The following ZEB2 variants were observed in gnomAD, a reference collection of about 807,000 sequenced individuals.
ZEB2 encodes zinc finger E-box binding homeobox 2.
Under a neutral mutation model 99.9 loss-of-function variants are expected in ZEB2, and 6 were observed. The ratio of observed to expected loss-of-function variants is 0.06; its 90% confidence interval spans 0.03 to 0.12. ZEB2 has a LOEUF of 0.12. ZEB2 is among the 10% of genes least tolerant of loss of function. The probability of loss-of-function intolerance (pLI) is 1.00; values close to 1 mark genes in which losing one functional copy is unlikely to be tolerated. For missense variants in ZEB2, 969 were observed against 1,502.8 expected (o/e 0.64, Z 5.87); for synonymous variants, 517 against 542.5 (o/e 0.95, Z 0.65).
rs114168809 is a variant in ZEB2, at chr2:144,452,259, C to T, written c.74-22233G>A. 2.1e-3 allele frequency among the ~76,000 whole-genome samples: 326 copies of T among 152,118 alleles called. 3 individuals are homozygous for T. The highest frequency in any genetic ancestry group is 7.5e-3 in the African/African-American group (313 of 41,496). Reference sequence around the variant, plus strand: ...TGCTTTTGAATGTGCCACAAGTTTCCGATAACTTTTCTGTACCACATGCCA... The same window carrying T: ...TGCTTTTGAATGTGCCACAAGTTTCTGATAACTTTTCTGTACCACATGCCA... On this transcript the variant is annotated intron_variant, in intron 2 of 9. Transcript: ENST00000627532.
rs1487453001 is a variant in ZEB2, at chr2:144,399,318, G to A, written c.1869C>T (p.Asn623=). ...TATTATCAACAAAAACTCCGGCTTTGTTGGGGACTATGTTTTCATGAGGCT... is the reference window on the plus strand; with the variant it reads ...TATTATCAACAAAAACTCCGGCTTTATTGGGGACTATGTTTTCATGAGGCT... ...VLQPHENIVP[N]KAGVFVDNKA... Residue 623 remains asparagine (N), a synonymous_variant, in exon 8 of 10, where the codon AAC becomes AAT. Transcript: ENST00000627532. The surrounding 1 kb of genome is among the most constrained non-coding windows in gnomAD (Gnocchi z 5.6). 4 of 1,614,018 alleles carry A rather than the reference G, an allele frequency of 2.5e-6. No individual in the cohort carries two copies. Among genetic ancestry groups the A allele is most frequent in the Non-Finnish European group, 3.4e-6 (4 of 1,180,012 alleles).
intron 2 of ZEB2, among the ~76,000 whole-genome samples, chr2:144,450,957 C>T (rs1237767039): frequency 2.6e-5 from 4 of 152,186 alleles, no homozygotes; most frequent in Non-Finnish European, 5.9e-5. Context: ...GGATTACAGG[C>T]ATGAGCCACT....
At chr2:144,438,390 A>G (rs965785733) in intron 2 of ZEB2, among the ~76,000 whole-genome samples, 4 of 152,098 alleles carry the variant, frequency 2.6e-5, no homozygotes, top group African/African-American at 9.7e-5. Context: ...TCATCTTAAT[A>G]GATCTTAGTG....
intron 4 of ZEB2, among the ~76,000 whole-genome samples, chr2:144,416,346 T>G (rs1330830911): frequency 6.6e-6 from 1 of 152,162 alleles, no homozygotes; most frequent in Non-Finnish European, 1.5e-5. Context: ...AAACGTATCT[T>G]AAAAAAATCT....
chr2:144,448,029 C>G (rs920389119), intron 2 of ZEB2, among the ~76,000 whole-genome samples: 2 of 152,108 alleles, frequency 1.3e-5, no homozygotes, highest in Non-Finnish European at 2.9e-5. Context: ...ACATGTAAAG[C>G]ACCTAGAGAC....
chr2:144,449,941 T>C (rs1395828249), intron 2 of ZEB2, among the ~76,000 whole-genome samples: 2 of 152,222 alleles, frequency 1.3e-5, no homozygotes, highest in African/African-American at 4.8e-5. Flanking sequence ...GATGAGTGAC[T>C]TTTGGGTGTT....
chr2:144,390,101 G>T, intron 9 of ZEB2, 73 bp from the exon 10 acceptor site: 2 of 1,487,396 alleles, frequency 1.3e-6, no homozygotes, highest in Non-Finnish European at 1.8e-6. Flanking sequence ...TTCTGTACGC[G>T]AGTCCAGACT....
intron 2 of ZEB2, chr2:144,516,362 CCTCTCTCTCTGT>C (rs1239511855): frequency 6.6e-6 from 1 of 151,484 alleles, no homozygotes; most frequent in Non-Finnish European, 1.5e-5. Flanking sequence ...TCACTCTCTT[CCTCTCTCTCTGT>C]TTCTCTCTGT....
chr2:144,486,218 A>C (rs1292736595), intron 2 of ZEB2, among the ~76,000 whole-genome samples: 1 of 152,222 alleles, frequency 6.6e-6, no homozygotes, highest in Non-Finnish European at 1.5e-5. Flanking sequence ...CTTTTCTTGA[A>C]AAGATTCCTT....
intron 4 of ZEB2, among the ~76,000 whole-genome samples, chr2:144,421,402 T>C (rs1703616914): frequency 6.6e-6 from 1 of 152,150 alleles, no homozygotes; most frequent in South Asian, 2.1e-4. Context: ...ACCACATGTA[T>C]TTAGCATCCA....
At chr2:144,488,954 A>G (rs984197013) in intron 2 of ZEB2, among the ~76,000 whole-genome samples, 2 of 152,188 alleles carry the variant, frequency 1.3e-5, no homozygotes, top group Admixed American at 1.3e-4. Flanking sequence ...ATGATTTGTA[A>G]TAAGAGGCTC....
At chr2:144,396,877 T>G (rs1703236745) in intron 8 of ZEB2, among the ~76,000 whole-genome samples, 1 of 152,166 alleles carries the variant, frequency 6.6e-6, no homozygotes, top group South Asian at 2.1e-4. Flanking sequence ...TTTTCTAAAA[T>G]CCTTCATTTC....
intron 2 of ZEB2, among the ~76,000 whole-genome samples, chr2:144,509,083 T>C (rs1201180200): frequency 6.6e-6 from 1 of 152,182 alleles, no homozygotes; most frequent in Non-Finnish European, 1.5e-5. Context: ...TTTTCATGCC[T>C]ATAAGACTTG....
intron 2 of ZEB2, chr2:144,513,060 C>T: frequency 3.1e-6 from 4 of 1,287,234 alleles, no homozygotes; most frequent in African/African-American, 1.5e-5. Flanking sequence ...GTATGACTCT[C>T]GTTGCCCCAT....
intron 9 of ZEB2, among the ~76,000 whole-genome samples, chr2:144,393,618 A>G (rs1190558320): frequency 6.6e-6 from 1 of 152,220 alleles, no homozygotes; most frequent in East Asian, 1.9e-4. Context: ...TGGGATAGGA[A>G]CATGGACTAA....
chr2:144,430,413 A>G (rs779280953), intron 2 of ZEB2: 45 of 277,330 alleles, frequency 1.6e-4, no homozygotes, highest in Non-Finnish European at 3.1e-4. Flanking sequence ...AGTATTTACT[A>G]TATAATGTTG....
intron 2 of ZEB2, among the ~76,000 whole-genome samples, chr2:144,516,967 C>A (rs1275303003): frequency 2.3e-4 from 34 of 150,766 alleles, no homozygotes; most frequent in African/African-American, 8.0e-4. Flanking sequence ...GAGCGGGAGG[C>A]GGAGGCGGAG....
chr2:144,435,531 C>T (rs1295979626), intron 2 of ZEB2, among the ~76,000 whole-genome samples: 3 of 148,338 alleles, frequency 2.0e-5, no homozygotes, highest in Admixed American at 6.8e-5. Flanking sequence ...TTTGGGAGGT[C>T]GAGGCTGTAG....
intron 2 of ZEB2, among the ~76,000 whole-genome samples, chr2:144,467,483 C>T (rs1169036775): frequency 2.6e-5 from 4 of 151,974 alleles, no homozygotes; most frequent in Admixed American, 1.3e-4. Flanking sequence ...GACCCACTGC[C>T]CAGGAAAAAA....
Sources: gnomAD v4.1 joint callset for allele counts (sites outside exome capture counted in the v4.1 genomes callset) on GRCh38, gnomAD v4.1.1 for gene constraint, Gnocchi (gnomAD v3.1) non-coding constraint, MANE v1.5 for transcripts, NCBI Gene and HGNC (gene_info 2026-07-23, HGNC 2026-07-21) for gene names.